GDF6: variants seen among roughly 807,000 people sequenced by gnomAD.
GDF6 encodes growth/differentiation factor 6.
Under a neutral mutation model 32.4 loss-of-function variants are expected in GDF6, and 3 were observed. The observed-to-expected ratio is 0.09, with a 90% confidence interval of 0.04 to 0.24. GDF6 has a LOEUF of 0.24. Among genes scored for constraint, GDF6 ranks in the 10% least tolerant of loss-of-function variants. GDF6 has a pLI of 1.00. For missense variants in GDF6, 589 were observed against 637.9 expected (o/e 0.92, Z 0.83); for synonymous variants, 296 against 295.3 (o/e 1.00, Z -0.03).
intron 1 of GDF6, among the ~76,000 whole-genome samples, chr8:96,149,933 C>T (rs1168659541): frequency 6.6e-6 from 1 of 152,180 alleles, no homozygotes; most frequent in Admixed American, 6.5e-5. Context: ...CTTGCCCACT[C>T]CAGCCTGCCC....
intron 1 of GDF6, among the ~76,000 whole-genome samples, chr8:96,156,659 C>T (rs530905753): frequency 6.6e-6 from 1 of 152,168 alleles, no homozygotes; most frequent in Non-Finnish European, 1.5e-5. Context: ...TTTATGGATC[C>T]AACATCATTT....
At position 96,160,750 on chromosome 8, in the gene GDF6, G is replaced by A; in HGVS notation, c.-58C>T. The A allele has an allele frequency of 6.4e-7, 1 of 1,571,234 alleles. No individual in the cohort carries two copies. On this transcript the variant is annotated 5_prime_UTR_variant, in exon 1 of 2. Coordinates refer to ENST00000287020, the MANE Select transcript of GDF6 (RefSeq NM_001001557.4). Reference sequence around the variant, plus strand: ...GGTGGCGGCGGCGCAGGACGCGCGGGGCACGGAGCGGCTGGACAGCGGCCG... The same window carrying A: ...GGTGGCGGCGGCGCAGGACGCGCGGAGCACGGAGCGGCTGGACAGCGGCCG...
rs886063208 is a variant in GDF6 at position 96,145,161 on chromosome 8, G to C, written c.770C>G (p.Pro257Arg). ...ARARGPQQPP[P>R]PDLRSLGFGR... is the part of the protein sequence containing the mutation. The stretch of plus-strand genomic sequence containing the variant: ...GAAGCCCAGACTCCGCAGGTCCGGG[G>C]GCGGCGGTTGCTGGGGTCCCCGCGC... Residue 257 changes from proline to arginine, a missense_variant, in exon 2 of 2, where the codon CCC (proline) becomes CGC (arginine). This residue lies in a region of GDF6 where 436 missense variants were observed against 411.2 expected (regional missense o/e 1.06). Transcript: ENST00000287020. The surrounding 1 kb of genome is among the most constrained non-coding windows in gnomAD (Gnocchi z 5.6). 4 of 1,502,892 alleles carry C rather than the reference G, an allele frequency of 2.7e-6. No homozygotes were observed. The highest frequency in any genetic ancestry group is 2.6e-6 in the Non-Finnish European group (3 of 1,134,014). 93.1% of individuals were successfully genotyped at this position (1,502,892 alleles called of 1,614,324 possible).
At chr8:96,152,461 C>T (rs1381349642) in intron 1 of GDF6, among the ~76,000 whole-genome samples, 1 of 152,166 alleles carries the variant, frequency 6.6e-6, no homozygotes, top group African/African-American at 2.4e-5. Context: ...CTTTGGTGTC[C>T]TTTTGTGGGG....
At chr8:96,154,282 C>T (rs28495281) in intron 1 of GDF6, among the ~76,000 whole-genome samples, 1 of 152,136 alleles carries the variant, frequency 6.6e-6, no homozygotes, top group Non-Finnish European at 1.5e-5. Flanking sequence ...GCCGCGCGCG[C>T]TTCCCTAGGA....
At position 96,145,527 on chromosome 8, in the gene GDF6, G is replaced by A. The variant is rs374740957; in HGVS notation, c.407-3C>T. 62 of 1,597,820 alleles carry A rather than the reference G, an allele frequency of 3.9e-5. No homozygotes were observed. The African/African-American group carries it at 7.6e-4, about 20-fold the overall frequency. On this transcript the variant is annotated splice_region_variant and splice_polypyrimidine_tract_variant and intron_variant, in intron 1 of 1. Coordinates refer to ENST00000287020, the MANE Select transcript of GDF6 (RefSeq NM_001001557.4). The surrounding 1 kb of genome is among the most constrained non-coding windows in gnomAD (Gnocchi z 5.6). ...GAGAGGAGTGTGCGAGAGATCGTCT[G>A]CGAGATAAAAAATAATTACAGTCAG... is the stretch of plus-strand genomic sequence containing the variant.
chr8:96,151,167 G>A (rs1316315339), intron 1 of GDF6, among the ~76,000 whole-genome samples: 4 of 152,156 alleles, frequency 2.6e-5, no homozygotes, highest in Non-Finnish European at 5.9e-5. Flanking sequence ...AGCTGCTGAC[G>A]CATTGCTAAC....
chr8:96,144,456 C>G lies in GDF6; in HGVS notation c.*107G>C, dbSNP rs1486446689. 2.1e-6 allele frequency: 3 copies of G among 1,396,086 alleles called. No homozygotes were observed. Among genetic ancestry groups the G allele is most frequent in the Non-Finnish European group, 9.7e-7 (1 of 1,026,514 alleles). 86.5% of individuals were successfully genotyped at this position (1,396,086 alleles called of 1,614,324 possible). ...TCCAGGCTGTTCCCTCACCCTCAGC[C>G]TCCCCCAGCGCCAGCTTCCTCCTCC... On this transcript the variant is annotated 3_prime_UTR_variant, in exon 2 of 2. Transcript: ENST00000287020. This position sits in a 1 kb window ranked among gnomAD's most constrained non-coding sequence, Gnocchi z 5.1.
intron 1 of GDF6, among the ~76,000 whole-genome samples, chr8:96,154,188 A>G (rs1812618492): frequency 6.6e-6 from 1 of 152,126 alleles, no homozygotes; most frequent in African/African-American, 2.4e-5. Flanking sequence ...AGCCTGGGCT[A>G]GAGGCCCGCC....
chr8:96,149,321 C>T (rs1293428843), intron 1 of GDF6, among the ~76,000 whole-genome samples: 2 of 152,306 alleles, frequency 1.3e-5, no homozygotes, highest in East Asian at 3.9e-4. Context: ...TTGCATCAAC[C>T]TGGTTTGTTA....
At position 96,145,105 on chromosome 8, in the gene GDF6, C is replaced by A. The variant is rs1201725856; in HGVS notation, c.826G>T (p.Ala276Ser). Residue 276 changes from alanine (A) to serine (S), a missense_variant, in exon 2 of 2, where the codon GCC becomes TCC. Ala to Ser is a moderately conservative substitution (Grantham distance 99, BLOSUM62 1). Transcript: ENST00000287020. This position sits in a 1 kb window ranked among gnomAD's most constrained non-coding sequence, Gnocchi z 5.6. ...GRRVRPPQER[A>S]LLVVFTRSQR... is the part of the protein sequence containing the mutation. ...GATCTGGTGAATACCACCAGCAGGGCCCGCTCCTGGGGAGGCCGCACCCTC... is the reference window on the plus strand; with the variant it reads ...GATCTGGTGAATACCACCAGCAGGGACCGCTCCTGGGGAGGCCGCACCCTC... 3 of 1,521,696 alleles carry A rather than the reference C, an allele frequency of 2.0e-6. No homozygotes were observed. The highest frequency in any genetic ancestry group is 1.7e-6 in the Non-Finnish European group (2 of 1,143,760). The allele number at this position is 1,521,696 out of a possible 1,614,324, so 94.3% of individuals were successfully genotyped here. A position where few individuals can be genotyped will look rare whatever the true frequency, so the allele number is the denominator to read the frequency against.
rs139039170 is a variant in GDF6 at position 96,151,854 on chromosome 8, AT to A, written c.407-6331del. 1.5e-3 allele frequency among the ~76,000 whole-genome samples: 231 copies of A among 152,298 alleles called. 1 individual carries two copies. The highest frequency in any genetic ancestry group is 5.2e-3 in the African/African-American group (218 of 41,548). ...GACCTTGGTTAGACTGGGTCGCATAATCTCTCCCAGCCTCATATGCCTCAGC... is the reference window on the plus strand; with the variant it reads ...GACCTTGGTTAGACTGGGTCGCATAACTCTCCCAGCCTCATATGCCTCAGC... On this transcript the variant is annotated intron_variant, in intron 1 of 1. Coordinates refer to ENST00000287020, the MANE Select transcript of GDF6 (RefSeq NM_001001557.4).
chr8:96,154,362 A>AC (rs1393257752), intron 1 of GDF6, among the ~76,000 whole-genome samples: 1 of 152,168 alleles, frequency 6.6e-6, no homozygotes, highest in Admixed American at 6.5e-5. Context: ...AGTGGACCCA[A>AC]CCCTCAGTCC....
intron 1 of GDF6, among the ~76,000 whole-genome samples, chr8:96,154,483 C>T (rs1812625227): frequency 6.6e-6 from 1 of 152,136 alleles, no homozygotes; most frequent in Admixed American, 6.5e-5. Context: ...ATTTAACCGA[C>T]TTAGAGTTTA....
At chr8:96,158,571 G>T (rs1474870455) in intron 1 of GDF6, among the ~76,000 whole-genome samples, 2 of 152,216 alleles carry the variant, frequency 1.3e-5, no homozygotes, top group African/African-American at 2.4e-5. Flanking sequence ...GCGCCCAACC[G>T]CCGGCCAGCC....
intron 1 of GDF6, among the ~76,000 whole-genome samples, chr8:96,155,254 C>A (rs1812640113): frequency 6.6e-6 from 1 of 152,264 alleles, no homozygotes; most frequent in Non-Finnish European, 1.5e-5. Flanking sequence ...CCAAGAATCC[C>A]TGCGCAACCT....
intron 1 of GDF6, among the ~76,000 whole-genome samples, chr8:96,151,658 A>G (rs1473852616): frequency 6.6e-6 from 1 of 152,212 alleles, no homozygotes; most frequent in Non-Finnish European, 1.5e-5. Flanking sequence ...TGTGAAAGAG[A>G]ATTTAGGAGG....
rs1175130343 is a variant in GDF6, at chr8:96,144,622, T to G, written c.1309A>C (p.Asn437His). 6.2e-7 allele frequency: 1 copy of G among 1,614,022 alleles called. No individual in the cohort carries two copies. The highest frequency in any genetic ancestry group is 1.1e-5 in the South Asian group (1 of 91,058). Residue 437 changes from asparagine to histidine, a missense_variant, in exon 2 of 2, where the codon AAT becomes CAT. Transcript: ENST00000287020. This position sits in a 1 kb window ranked among gnomAD's most constrained non-coding sequence, Gnocchi z 5.1. ...TCGTACTGCTTGTAGACCACATTAT[T>G]GCCCGCGTCGATGTATAGAATGCTG... is the stretch of plus-strand genomic sequence containing the variant. ...PISILYIDAG[N>H]NVVYKQYEDM...
intron 1 of GDF6, among the ~76,000 whole-genome samples, chr8:96,147,573 G>A (rs1812506299): frequency 6.6e-6 from 1 of 152,204 alleles, no homozygotes. Context: ...AGTTCTGAAA[G>A]GTAATTACTT....
Sources: gnomAD v4.1 joint callset for allele counts (sites outside exome capture counted in the v4.1 genomes callset) on GRCh38, gnomAD v4.1.1 for gene constraint, gnomAD v4.1.1 regional missense constraint, Gnocchi (gnomAD v3.1) non-coding constraint, MANE v1.5 for transcripts, NCBI Gene and HGNC (gene_info 2026-07-23, HGNC 2026-07-21) for gene names.